TENM1: variants seen among roughly 807,000 people sequenced by gnomAD.
TENM1 encodes the protein teneurin-1.
A neutral mutation model predicts 174.8 loss-of-function variants in TENM1; 35 were observed. The ratio of observed to expected loss-of-function variants is 0.20; its 90% CI spans 0.15 to 0.27. The LOEUF (loss-of-function observed/expected upper bound fraction) is 0.27. Among genes scored for constraint, TENM1 ranks in the 10% least tolerant of loss-of-function variants. The pLI is 1.00. For missense variants in TENM1, 1,633 were observed against 2,130.1 expected, an observed-to-expected ratio of 0.77 and a Z score of 4.59; for synonymous variants, 781 against 798.7, an observed-to-expected ratio of 0.98 and a Z score of 0.37.
chrX:125,049,969 G>T, the TENM1 span, among the ~76,000 whole-genome samples: 2 of 108,838 alleles, frequency 1.8e-5, no homozygotes, highest in Non-Finnish European at 3.8e-5. Flanking sequence ...TCATTTTGAT[G>T]TCTACCTCTT....
the TENM1 span, among the ~76,000 whole-genome samples, chrX:125,116,921 G>A: frequency 1.9e-5 from 2 of 106,989 alleles, no homozygotes; most frequent in Non-Finnish European, 3.8e-5. Flanking sequence ...TGAAGCAGAA[G>A]AGTCATGAGA....
At chrX:124,528,649 GGAAAT>G (rs1268276678) in intron 16 of TENM1, among the ~76,000 whole-genome samples, 69 of 108,431 alleles carry the variant, frequency 6.4e-4, no homozygotes, top group African/African-American at 2.2e-3. Flanking sequence ...ATATTTGAAA[GGAAAT>G]GAAGTTTTAT....
chrX:125,186,031 CT>C, the TENM1 span, among the ~76,000 whole-genome samples: 1 of 108,418 alleles, frequency 9.2e-6, no homozygotes, highest in Non-Finnish European at 1.9e-5. Context: ...ATTCAATTTC[CT>C]TTTTTTTTCA....
At chrX:124,433,062 C>T (rs146689426) in intron 23 of TENM1, among the ~76,000 whole-genome samples, 2,066 of 111,863 alleles carry the variant, frequency 0.018, 25 homozygotes, top group Non-Finnish European at 0.03. Flanking sequence ...GATGACACTG[C>T]GGAGCTGCCA....
chrX:124,660,585 A>T (rs1456458837), intron 6 of TENM1, among the ~76,000 whole-genome samples: 1 of 111,924 alleles, frequency 8.9e-6, no homozygotes, highest in Non-Finnish European at 1.9e-5. Context: ...ATTTCTCCAA[A>T]GAAGACAGAC....
At chrX:124,626,623 C>T (rs73215126) in intron 11 of TENM1, among the ~76,000 whole-genome samples, 3,594 of 111,636 alleles carry the variant, frequency 0.032, 60 homozygotes, top group Admixed American at 0.041. Context: ...GATATATGGT[C>T]CTTTTAAAAT....
intron 27 of TENM1, among the ~76,000 whole-genome samples, chrX:124,398,045 G>A (rs933040480): frequency 5.5e-5 from 6 of 108,809 alleles, no homozygotes; most frequent in African/African-American, 1.7e-4. Context: ...TGGCTAATGC[G>A]GTGAAACCCC....
the TENM1 span, among the ~76,000 whole-genome samples, chrX:125,088,996 C>T: frequency 9.0e-6 from 1 of 111,147 alleles, no homozygotes; most frequent in Non-Finnish European, 1.9e-5. Context: ...TTCCAAATTA[C>T]CCCAAAGACC....
chrX:125,098,894 T>C, the TENM1 span, among the ~76,000 whole-genome samples: 1 of 112,489 alleles, frequency 8.9e-6, no homozygotes, highest in Non-Finnish European at 1.9e-5. Flanking sequence ...AATACGGTAC[T>C]ATATTGGTTT....
chrX:125,094,734 C>CA, the TENM1 span, among the ~76,000 whole-genome samples: 1 of 111,857 alleles, frequency 8.9e-6, no homozygotes, highest in Admixed American at 9.5e-5. Context: ...GTCTGAATTT[C>CA]AAATATGCTA....
At chrX:125,064,061 C>CA in the TENM1 span, among the ~76,000 whole-genome samples, 9 of 101,895 alleles carry the variant, frequency 8.8e-5, no homozygotes, top group East Asian at 9.8e-4. Context: ...ATCGCAAGGA[C>CA]AAAAAACCAA....
intron 5 of TENM1, among the ~76,000 whole-genome samples, chrX:124,699,347 T>G (rs1332830463): frequency 3.6e-5 from 4 of 110,960 alleles, no homozygotes; most frequent in Non-Finnish European, 7.6e-5. Context: ...TACCAGTAGA[T>G]CTTTATCTAT....
chrX:124,756,523 T>C (rs1403351524), intron 3 of TENM1, among the ~76,000 whole-genome samples: 2 of 111,993 alleles, frequency 1.8e-5, no homozygotes, highest in Non-Finnish European at 3.8e-5. Context: ...CTTTGTTCCG[T>C]TGCTGGTGAG....
intron 1 of TENM1, among the ~76,000 whole-genome samples, chrX:124,955,488 A>C (rs185479146): frequency 5.7e-4 from 63 of 111,244 alleles, no homozygotes; most frequent in Middle Eastern, 4.7e-3. Flanking sequence ...TGTGATACTC[A>C]TTCCTTTTTG....
At chrX:124,939,977 T>C (rs2058302064) in intron 1 of TENM1, among the ~76,000 whole-genome samples, 2 of 111,926 alleles carry the variant, frequency 1.8e-5, no homozygotes, top group Admixed American at 1.9e-4. Context: ...GAGTATAAGC[T>C]CTTAAAAGTA....
chrX:125,173,873 A>G, the TENM1 span, among the ~76,000 whole-genome samples: 1 of 111,892 alleles, frequency 8.9e-6, no homozygotes, highest in African/African-American at 3.2e-5. Context: ...AAGGCCACAT[A>G]CTAAGCTTTA....
At chrX:124,421,715 G>T (rs1450954622) in intron 24 of TENM1, among the ~76,000 whole-genome samples, 2 of 109,213 alleles carry the variant, frequency 1.8e-5, no homozygotes, top group Non-Finnish European at 3.8e-5. Context: ...GCAGACCAAT[G>T]TCCTGAGAAC....
intron 14 of TENM1, among the ~76,000 whole-genome samples, chrX:124,554,223 T>G (rs1458069427): frequency 1.8e-5 from 2 of 112,679 alleles, no homozygotes; most frequent in Non-Finnish European, 3.7e-5. Flanking sequence ...AATGTCCAAC[T>G]AATATATCAA....
chrX:124,837,807 A>C (rs1351360605), intron 3 of TENM1, among the ~76,000 whole-genome samples: 3 of 112,222 alleles, frequency 2.7e-5, no homozygotes, highest in Admixed American at 9.4e-5. Flanking sequence ...GAAAAAAAAA[A>C]CAGGTAGAAA....
Sources: allele counts gnomAD v4.1 joint callset (sites outside exome capture counted in the v4.1 genomes callset), GRCh38; gene constraint gnomAD v4.1.1; transcripts MANE v1.5; gene names NCBI Gene and HGNC (gene_info 2026-07-23, HGNC 2026-07-21).